Variants in PLCXD1 observed in about 807,000 individuals in gnomAD.
The protein encoded by PLCXD1 is PI-PLC X domain-containing protein 1.
In PLCXD1, 45 loss-of-function variants were observed where a neutral mutation model predicts 37.8. The observed-to-expected ratio is 1.19, with a 90% confidence interval of 0.94 to 1.53. The LOEUF (loss-of-function observed/expected upper bound fraction) is 1.53. Ranked by LOEUF, PLCXD1 falls within the 40% of genes most tolerant of loss-of-function variation. PLCXD1 has a pLI of 0.00. For missense variants in PLCXD1, 539 were observed against 454.7 expected (o/e 1.19, Z -1.69); for synonymous variants, 246 against 206.9 (o/e 1.19, Z -1.62).
chrX:282,949 ATATATATTATATATG>A (rs1569564368), intron 1 of PLCXD1, among the ~76,000 whole-genome samples: 1 of 103,860 alleles, frequency 9.6e-6, no homozygotes, highest in Non-Finnish European at 2.2e-5. Flanking sequence ...TATATATTAT[ATATATATTATATATG>A]TATATATTAT....
In PLCXD1 at chrX:299,176, G is replaced by A; in HGVS notation, c.813G>A (p.Lys271=). The part of the protein sequence containing the change: ...VLAHPSESLE[K]MTLPNLPRLS... ...CGCACCCGTCCGAGTCCCTGGAGAA[G>A]ATGACGCTGCCCAACCTTCCGCGGC... The change falls in exon 7 of 7, where the codon AAG becomes AAA. Residue 271 remains lysine, a synonymous_variant. Transcript: ENST00000381657. 1 of 1,613,952 alleles carries A rather than the reference G, an allele frequency of 6.2e-7. No individual in the cohort carries two copies. Among genetic ancestry groups the A allele is most frequent in the East Asian group, 2.2e-5 (1 of 44,878 alleles).
intron 5 of PLCXD1, 101 bp from the exon 6 acceptor site, chrX:292,934 A>G (rs1398638848): frequency 3.9e-6 from 3 of 764,680 alleles, no homozygotes; most frequent in South Asian, 3.8e-5. Flanking sequence ...TTTGGTTTAT[A>G]CTCGTGTTGG....
At chrX:290,607 G>A (rs1569564501) in intron 3 of PLCXD1, 41 bp from the exon 4 acceptor site, 1 of 1,610,298 alleles carries the variant, frequency 6.2e-7, no homozygotes, top group East Asian at 2.2e-5. Flanking sequence ...CCCAGACGCG[G>A]CGCTCAGCCA....
At chrX:285,737 G>T (rs2069434701) in intron 2 of PLCXD1, among the ~76,000 whole-genome samples, 1 of 152,040 alleles carries the variant, frequency 6.6e-6, no homozygotes, top group Non-Finnish European at 1.5e-5. Context: ...TCACATATAG[G>T]CATACGGACA....
At chrX:283,578 G>C (rs1456901076) in intron 1 of PLCXD1, 13 of 144,620 alleles carry the variant, frequency 9.0e-5, no homozygotes, top group African/African-American at 3.1e-4. Flanking sequence ...TGTCAGGCCC[G>C]GGTGGGGGCG....
upstream of PLCXD1, among the ~76,000 whole-genome samples, chrX:280,321 G>T (rs2069237277): frequency 7.7e-6 from 1 of 129,328 alleles, no homozygotes; most frequent in African/African-American, 3.1e-5. Context: ...GGGAAGGGAG[G>T]CCGTGCAGGG....
chrX:287,443 AC>A, intron 2 of PLCXD1, among the ~76,000 whole-genome samples: 1 of 131,728 alleles, frequency 7.6e-6, no homozygotes, highest in African/African-American at 3.1e-5. Flanking sequence ...ATATATATAC[AC>A]TATATATGTT....
At chrX:296,331 G>T (rs1279955672) in intron 6 of PLCXD1, among the ~76,000 whole-genome samples, 2 of 151,518 alleles carry the variant, frequency 1.3e-5, no homozygotes, top group Admixed American at 6.6e-5. Flanking sequence ...CAGCGTGTTG[G>T]TCAGGCTGGT....
At position 299,400 on chromosome X, in the gene PLCXD1, G is replaced by T. The variant is rs2069929100; in HGVS notation, c.*65G>T. ...TCACCCCCGAATTTCCAAGTATTGT[G>T]ACTTTGTTTGGGCCAAATGTTGGTG... On this transcript the variant is annotated 3_prime_UTR_variant, in exon 7 of 7. Coordinates refer to ENST00000381657, the MANE Select transcript of PLCXD1 (RefSeq NM_018390.4). 7 of 1,165,740 alleles carry T rather than the reference G, an allele frequency of 6.0e-6. No individual in the cohort carries two copies. In the Admixed American group the frequency reaches 8.5e-5, roughly 14 times the overall value. The allele number at this position is 1,165,740 out of a possible 1,614,324, so 72.2% of individuals were successfully genotyped here.
rs1386487216 is a variant in PLCXD1 at position 303,278 on chromosome X, C to G, written c.*3943C>G. 2 of 152,136 alleles carry G rather than the reference C, an allele frequency of 1.3e-5. No individual in the cohort carries two copies. Among genetic ancestry groups the G allele is most frequent in the Non-Finnish European group, 2.9e-5 (2 of 68,022 alleles). The allele number at this position is 152,136 out of a possible 1,614,324, so 9.4% of individuals were successfully genotyped here. A position where few individuals can be genotyped will look rare whatever the true frequency, so the allele number is the denominator to read the frequency against. On this transcript the variant is annotated 3_prime_UTR_variant, in exon 7 of 7. Coordinates refer to ENST00000381657, the MANE Select transcript of PLCXD1 (RefSeq NM_018390.4). ...CCCTGACTTCCGTCGGCTGTGAATC[C>G]TTGTCTGTCAGGGGCGTATCCACAA...
intron 6 of PLCXD1, among the ~76,000 whole-genome samples, chrX:294,759 G>C (rs761056590): frequency 6.6e-6 from 1 of 151,832 alleles, no homozygotes; most frequent in South Asian, 2.1e-4. Context: ...GGCCGAGATC[G>C]AGCCAGTGTA....
chrX:296,481 C>T (rs2069812241), intron 6 of PLCXD1, among the ~76,000 whole-genome samples: 1 of 152,122 alleles, frequency 6.6e-6, no homozygotes, highest in Admixed American at 6.6e-5. Context: ...GTTGCCTTTG[C>T]CGTCTCTGGC....
In PLCXD1 at chrX:284,295, C is replaced by T; in HGVS notation, c.108C>T (p.Leu36=). 2 of 1,613,366 alleles carry T rather than the reference C, an allele frequency of 1.2e-6. No homozygotes were observed. Among genetic ancestry groups the T allele is most frequent in the Non-Finnish European group, 1.7e-6 (2 of 1,179,852 alleles). Residue 36 remains leucine (L), a synonymous_variant, in exon 2 of 7, where the codon CTC becomes CTT. Coordinates refer to ENST00000381657, the MANE Select transcript of PLCXD1 (RefSeq NM_018390.4). ...GTCCCCGGCTCTGGGATGTGCCCCT[C>T]CACCACCTCTCCATCCCAGGTGAGG... is the stretch of plus-strand genomic sequence containing the variant. ...ALCPRLWDVP[L]HHLSIPGSHD...
chrX:287,404 AATAT>A, intron 2 of PLCXD1, among the ~76,000 whole-genome samples: 1 of 142,706 alleles, frequency 7.0e-6, no homozygotes, highest in South Asian at 2.1e-4. Flanking sequence ...TATTTATGTA[AATAT>A]ATACTAATAT....
In PLCXD1 at chrX:284,227, C is replaced by A; in HGVS notation, c.40C>A (p.Leu14Met). ...GAGCGCTTCCAACAGCTTCTCGAGGCTGCACTGCAGAAATGCCAACGAGGA... is the reference window on the plus strand; with the variant it reads ...GAGCGCTTCCAACAGCTTCTCGAGGATGCACTGCAGAAATGCCAACGAGGA... Reference protein sequence around the residue: ...QVSASNSFSRLHCRNANEDWM... With the variant: ...QVSASNSFSRMHCRNANEDWM... Residue 14 changes from leucine to methionine, a missense_variant, in exon 2 of 7, where the codon CTG becomes ATG. Transcript: ENST00000381657. 1 of 1,613,602 alleles carries A rather than the reference C, an allele frequency of 6.2e-7. No homozygotes were observed. The highest frequency in any genetic ancestry group is 1.3e-5 in the African/African-American group (1 of 75,028).
intron 2 of PLCXD1, 64 bp downstream of exon 2, chrX:284,378 G>C (rs2069377980): frequency 1.3e-6 from 2 of 1,591,268 alleles, no homozygotes; most frequent in Non-Finnish European, 1.7e-6. Context: ...TGGGGCGGGA[G>C]CTGTGGCGTC....
chrX:287,278 C>G (rs1569564441), intron 2 of PLCXD1, among the ~76,000 whole-genome samples: 1 of 143,182 alleles, frequency 7.0e-6, no homozygotes, highest in Non-Finnish European at 1.5e-5. Flanking sequence ...AAATATATAT[C>G]ATATATTTAT....
chrX:287,679 C>CTATATATG (rs1359833509), intron 2 of PLCXD1, among the ~76,000 whole-genome samples: 1,829 of 127,814 alleles, frequency 0.014, 143 homozygotes, highest in African/African-American at 0.026. Flanking sequence ...TACTATATAT[C>CTATATATG]TTTGTTTATA....
intron 6 of PLCXD1, 52 bp downstream of exon 6, chrX:293,270 C>T: frequency 6.9e-7 from 1 of 1,443,136 alleles, no homozygotes. Context: ...CCCGTGACGC[C>T]CTGCGGCAGG....
Sources: gnomAD v4.1 joint callset for allele counts (sites outside exome capture counted in the v4.1 genomes callset) on GRCh38, gnomAD v4.1.1 for gene constraint, MANE v1.5 for transcripts, NCBI Gene and HGNC (gene_info 2026-07-23, HGNC 2026-07-21) for gene names.